Variants in NRG2 observed in about 807,000 individuals in gnomAD.
The protein encoded by NRG2 is neuregulin 2.
Under a neutral mutation model 73.9 loss-of-function variants are expected in NRG2, and 27 were observed. That is an observed-to-expected ratio of 0.37 (90% CI 0.27 to 0.50). The LOEUF (loss-of-function observed/expected upper bound fraction) is 0.50. Among genes scored for constraint, NRG2 ranks in the 20% least tolerant of loss-of-function variants. The probability of loss-of-function intolerance (pLI) is 0.96; values close to 1 mark genes in which losing one functional copy is unlikely to be tolerated. For missense variants in NRG2, 1,126 were observed against 1,210.1 expected (o/e 0.93, Z 1.03); for synonymous variants, 532 against 541.0 (o/e 0.98, Z 0.23).
chr5:139,978,723 G>C (rs2560713), intron 1 of NRG2, among the ~76,000 whole-genome samples: 51,784 of 151,674 alleles, frequency 0.34, 9,631 homozygotes, highest in African/African-American at 0.5. Flanking sequence ...AATATTGTGA[G>C]ACTCTTTTTA....
chr5:139,988,622 G>T (rs1046197462), intron 1 of NRG2, among the ~76,000 whole-genome samples: 2 of 152,008 alleles, frequency 1.3e-5, no homozygotes, highest in South Asian at 2.1e-4. Flanking sequence ...ATCAGTAGTT[G>T]CCAGAGGTTG....
chr5:139,925,459 A>G (rs1218712421), intron 1 of NRG2, among the ~76,000 whole-genome samples: 1 of 152,222 alleles, frequency 6.6e-6, no homozygotes, highest in Non-Finnish European at 1.5e-5. Context: ...ACAATCCCAG[A>G]TCTCGAGGGC....
intron 1 of NRG2, among the ~76,000 whole-genome samples, chr5:140,012,329 T>G (rs984415854): frequency 2.0e-5 from 3 of 152,220 alleles, no homozygotes; most frequent in African/African-American, 7.2e-5. Flanking sequence ...TGCTTCTGAC[T>G]TGCTTATCTT....
intron 1 of NRG2, among the ~76,000 whole-genome samples, chr5:139,941,858 A>T (rs1753425262): frequency 6.6e-6 from 1 of 152,198 alleles, no homozygotes; most frequent in African/African-American, 2.4e-5. Flanking sequence ...AACTTCCCAT[A>T]GCATGGGAAG....
chr5:139,980,176 C>T (rs1756683880), intron 1 of NRG2, among the ~76,000 whole-genome samples: 1 of 152,092 alleles, frequency 6.6e-6, no homozygotes, highest in Non-Finnish European at 1.5e-5. Flanking sequence ...AATTCTCTCC[C>T]CACACTGGAA....
At chr5:140,040,183 A>G (rs1422575566) in intron 1 of NRG2, among the ~76,000 whole-genome samples, 1 of 152,102 alleles carries the variant, frequency 6.6e-6, no homozygotes, top group African/African-American at 2.4e-5. Flanking sequence ...GTACCTATTT[A>G]TATACTTCCC....
Position 139,904,261 on chromosome 5 carries a change from T to C in NRG2, c.701-16750A>G. ...TGGGGGCGGGTGAGCGGGCGGCAGG[T>C]TTCTCCCAGGGAAACCGGGTTTCTG... On this transcript the variant is annotated intron_variant, in intron 1 of 9. Coordinates refer to ENST00000361474, the MANE Select transcript of NRG2 (RefSeq NM_004883.3). The surrounding 1 kb of genome is among the most constrained non-coding windows in gnomAD (Gnocchi z 6.0). The C allele has an allele frequency of 6.4e-7, 1 of 1,563,186 alleles. No homozygotes were observed. The highest frequency in any genetic ancestry group is 8.6e-7 in the Non-Finnish European group (1 of 1,163,258).
At chr5:139,944,526 T>C (rs558930533) in intron 1 of NRG2, among the ~76,000 whole-genome samples, 1 of 152,352 alleles carries the variant, frequency 6.6e-6, no homozygotes, top group East Asian at 1.9e-4. Flanking sequence ...TTTCTGTTCC[T>C]GGCTTATTTC....
At chr5:139,882,560 G>A (rs959637290) in intron 2 of NRG2, among the ~76,000 whole-genome samples, 2 of 152,130 alleles carry the variant, frequency 1.3e-5, no homozygotes, top group African/African-American at 2.4e-5. Flanking sequence ...AGAGAGCCCT[G>A]GAGGCCCCTC....
At chr5:140,041,958 T>G (rs1465240155) in intron 1 of NRG2, among the ~76,000 whole-genome samples, 3 of 151,946 alleles carry the variant, frequency 2.0e-5, no homozygotes, top group African/African-American at 7.3e-5. Flanking sequence ...CCTGCCAGCC[T>G]GGGCACGGCA....
At chr5:139,903,686 G>A (rs1363404253) in intron 1 of NRG2, among the ~76,000 whole-genome samples, 1 of 152,222 alleles carries the variant, frequency 6.6e-6, no homozygotes, top group Non-Finnish European at 1.5e-5. Flanking sequence ...CCGAAGACCA[G>A]AGAGAGACAA....
chr5:139,861,208 GCTC>G (rs780475690), intron 5 of NRG2, among the ~76,000 whole-genome samples: 77 of 152,278 alleles, frequency 5.1e-4, no homozygotes, highest in Non-Finnish European at 8.1e-4. Flanking sequence ...GCAGGGCCCC[GCTC>G]CTCCTAGCCT....
intron 1 of NRG2, among the ~76,000 whole-genome samples, chr5:139,985,867 C>G (rs265179): frequency 0.24 from 35,720 of 151,956 alleles, 4,477 homozygotes; most frequent in African/African-American, 0.29. Context: ...CACACTCCCC[C>G]CAACTCCCAA....
chr5:140,003,279 C>G (rs974931098), intron 1 of NRG2, among the ~76,000 whole-genome samples: 2 of 152,112 alleles, frequency 1.3e-5, no homozygotes, highest in African/African-American at 4.8e-5. Context: ...GAACAGTGCC[C>G]CCCTCCCCCA....
At position 139,847,748 on chromosome 5, in the gene NRG2, TAA is replaced by T. The variant is rs911218704; in HGVS notation, c.*167_*168del. Reference sequence around the variant, plus strand: ...ACGCCTTTGCCGTTAGCTAGTATTATAAGACAATTTTTGCTAAAATGAAAATA... The same window carrying T: ...ACGCCTTTGCCGTTAGCTAGTATTATGACAATTTTTGCTAAAATGAAAATA... On this transcript the variant is annotated 3_prime_UTR_variant, in exon 10 of 10. Coordinates refer to ENST00000361474, the MANE Select transcript of NRG2 (RefSeq NM_004883.3). 2.1e-6 allele frequency: 1 copy of T among 477,332 alleles called. No individual in the cohort carries two copies. Among genetic ancestry groups the T allele is most frequent in the African/African-American group, 2.0e-5 (1 of 49,508 alleles). 29.6% of individuals were successfully genotyped at this position (477,332 alleles called of 1,614,324 possible).
chr5:139,895,002 A>G (rs1764461646), intron 1 of NRG2, among the ~76,000 whole-genome samples: 1 of 152,236 alleles, frequency 6.6e-6, no homozygotes, highest in African/African-American at 2.4e-5. Context: ...GAGGGCAGAT[A>G]AAGAAGAAGG....
At chr5:140,013,456 T>C (rs1013254768) in intron 1 of NRG2, among the ~76,000 whole-genome samples, 1 of 152,234 alleles carries the variant, frequency 6.6e-6, no homozygotes, top group African/African-American at 2.4e-5. Flanking sequence ...ATGGTGGTGA[T>C]GGTTGCATAA....
At chr5:139,848,775 G>GGGGGGTT in intron 9 of NRG2, 78 bp from the exon 10 acceptor site, 2 of 601,718 alleles carry the variant, frequency 3.3e-6, no homozygotes, top group Non-Finnish European at 4.8e-6. Flanking sequence ...GTGGGGTAGG[G>GGGGGGTT]TGGGAGGGGC....
chr5:139,959,450 C>T (rs537214169), intron 1 of NRG2, among the ~76,000 whole-genome samples: 4 of 152,356 alleles, frequency 2.6e-5, no homozygotes, highest in South Asian at 4.1e-4. Flanking sequence ...GATCTTGGCT[C>T]ACCACAACCT....
Sources: gnomAD v4.1 joint callset for allele counts (sites outside exome capture counted in the v4.1 genomes callset) on GRCh38, gnomAD v4.1.1 for gene constraint, Gnocchi (gnomAD v3.1) non-coding constraint, MANE v1.5 for transcripts, NCBI Gene and HGNC (gene_info 2026-07-23, HGNC 2026-07-21) for gene names.